OAS2: variants seen among roughly 807,000 people sequenced by gnomAD.
OAS2 encodes 2'-5'-oligoadenylate synthetase 2.
Under a neutral mutation model 71.3 loss-of-function variants are expected in OAS2, and 67 were observed. The ratio of observed to expected loss-of-function variants is 0.94; its 90% CI spans 0.77 to 1.15. OAS2 has a LOEUF of 1.15. OAS2 is among the 50% of genes most tolerant of loss of function. The pLI, the probability that OAS2 is intolerant of heterozygous loss-of-function variation, is 0.00. For missense variants in OAS2, 789 were observed against 822.5 expected (o/e 0.96, Z 0.50); for synonymous variants, 327 against 321.8 (o/e 1.02, Z -0.17).
chr12:113,004,503 T>C (rs562686021), intron 6 of OAS2, among the ~76,000 whole-genome samples: 3 of 152,308 alleles, frequency 2.0e-5, no homozygotes, highest in East Asian at 1.9e-4. Flanking sequence ...ACCTCAATTA[T>C]GGATATTCAC....
rs138299398 is a variant in OAS2 at position 113,005,918 on chromosome 12, C to CAAAAAAA, written c.1469-468_1469-462dup. 1.5e-3 allele frequency among the ~76,000 whole-genome samples: 74 copies of CAAAAAAA among 49,042 alleles called. 1 individual carries two copies. The highest frequency in any genetic ancestry group is 2.3e-3 in the Non-Finnish European group (68 of 28,966). The allele number at this position is 49,042 out of a possible 152,430, so 32.2% of individuals were successfully genotyped here. A position where few individuals can be genotyped will look rare whatever the true frequency, so the allele number is the denominator to read the frequency against. On this transcript the variant is annotated intron_variant, in intron 7 of 9. Coordinates refer to ENST00000392583, the MANE Select transcript of OAS2 (RefSeq NM_002535.3). ...AAAAAGCAAAAAACAACAACAACAA[C>CAAAAAAA]AAAAAAAAAAAAAAAAAAAAAAAAA... is the stretch of plus-strand genomic sequence containing the variant.
At chr12:112,999,103 G>T (rs1344056722) in intron 5 of OAS2, among the ~76,000 whole-genome samples, 1 of 152,226 alleles carries the variant, frequency 6.6e-6, no homozygotes, top group Non-Finnish European at 1.5e-5. Flanking sequence ...CTCAGAGAAG[G>T]GGGTGGCAGT....
Position 113,009,289 on chromosome 12 carries a change from G to C in OAS2, c.*34G>C. On this transcript the variant is annotated 3_prime_UTR_variant, in exon 10 of 10. Transcript: ENST00000392583. The stretch of plus-strand genomic sequence containing the variant: ...TTGTCTGGAAATAGCCCTGTAACAG[G>C]CTTGAATCAAAGAACTTCTCCTACT... 1 of 1,601,974 alleles carries C rather than the reference G, an allele frequency of 6.2e-7. No individual in the cohort carries two copies. Among genetic ancestry groups the C allele is most frequent in the Non-Finnish European group, 8.5e-7 (1 of 1,174,554 alleles).
At chr12:112,992,768 G>C (rs577113557) in intron 2 of OAS2, among the ~76,000 whole-genome samples, 1 of 152,258 alleles carries the variant, frequency 6.6e-6, no homozygotes, top group Non-Finnish European at 1.5e-5. Context: ...TGTACAGTCA[G>C]ACTAGAAACT....
intron 1 of OAS2, among the ~76,000 whole-genome samples, chr12:112,983,752 T>C (rs1249048645): frequency 2.0e-5 from 3 of 152,224 alleles, no homozygotes; most frequent in Admixed American, 2.0e-4. Context: ...TTCACGTATT[T>C]GTACAATTTC....
At position 112,978,749 on chromosome 12, in the gene OAS2, A is replaced by G; in HGVS notation, c.141A>G (p.Glu47=). The G allele has an allele frequency of 6.2e-7, 1 of 1,613,882 alleles. No homozygotes were observed. Among genetic ancestry groups the G allele is most frequent in the East Asian group, 2.2e-5 (1 of 44,868 alleles). ...MVNTICDVLQ[E]PEQFPLVQGV... is the part of the protein sequence containing the mutation. ...ACACCATCTGTGACGTCCTGCAGGA[A>G]CCCGAACAGTTCCCCCTGGTGCAGG... The change falls in exon 1 of 10, where the codon GAA becomes GAG. Residue 47 remains glutamate (E), a synonymous_variant. Transcript: ENST00000392583. This position sits in a 1 kb window ranked among gnomAD's most constrained non-coding sequence, Gnocchi z 4.2.
At chr12:112,986,710 C>G (rs1233446515) in intron 1 of OAS2, among the ~76,000 whole-genome samples, 3 of 151,856 alleles carry the variant, frequency 2.0e-5, no homozygotes, top group African/African-American at 7.3e-5. Flanking sequence ...CCCATTCCCC[C>G]AGATGCGCAC....
chr12:113,006,614 T>G lies in OAS2; in HGVS notation c.1656+14T>G. ...TGGTACAAAGAGGTAAGGACAGTCT[T>G]TGTTCTGACCATGGGGTTATTATTT... On this transcript the variant is annotated intron_variant, in intron 8 of 9. Transcript: ENST00000392583. 1 of 1,543,126 alleles carries G rather than the reference T, an allele frequency of 6.5e-7. No homozygotes were observed. Among genetic ancestry groups the G allele is most frequent in the Non-Finnish European group, 8.8e-7 (1 of 1,132,356 alleles).
At position 113,010,816 on chromosome 12, in the gene OAS2, A is replaced by G. The variant is rs1171453949; in HGVS notation, c.*1561A>G. 3 of 173,348 alleles carry G rather than the reference A, an allele frequency of 1.7e-5. No homozygotes were observed. In the East Asian group the frequency reaches 5.0e-4, roughly 29 times the overall value. 10.7% of individuals were successfully genotyped at this position (173,348 alleles called of 1,614,324 possible). The stretch of plus-strand genomic sequence containing the variant: ...CTGTGTCTTCAAAGCAAAGCTCTTT[A>G]CTTTCCCCTTGGTTCTCATAACTCT... On this transcript the variant is annotated 3_prime_UTR_variant, in exon 10 of 10. Coordinates refer to ENST00000392583, the MANE Select transcript of OAS2 (RefSeq NM_002535.3).
intron 2 of OAS2, among the ~76,000 whole-genome samples, chr12:112,993,511 G>A (rs2044209413): frequency 6.6e-6 from 1 of 152,182 alleles, no homozygotes; most frequent in Admixed American, 6.6e-5. Context: ...CCAGAACCAT[G>A]CCTAGGGAGT....
intron 8 of OAS2, among the ~76,000 whole-genome samples, chr12:113,006,956 A>G (rs1204429544): frequency 1.3e-5 from 2 of 152,192 alleles, no homozygotes; most frequent in East Asian, 3.8e-4. Flanking sequence ...CTCTCTCAGA[A>G]GGCAGGTTGA....
In OAS2 at chr12:113,004,991, G is replaced by T. The variant is rs181098272; in HGVS notation, c.1237G>T (p.Val413Leu). The T allele has an allele frequency of 1.9e-5, 30 of 1,614,092 alleles. 1 individual carries two copies. The Admixed American group carries it at 5.0e-4, about 27-fold the overall frequency. ...LKTGSDADLVVFHNSLKSYTS... is the reference protein window; with the variant it reads ...LKTGSDADLVLFHNSLKSYTS... ...GACTGGCTCTGATGCCGATCTCGTC[G>T]TGTTCCATAACTCACTTAAAAGCTA... The change falls in exon 7 of 10, where the codon GTG (valine) becomes TTG (leucine). Residue 413 changes from valine to leucine, a missense_variant. By Grantham distance (32) the Val-to-Leu change is conservative (BLOSUM62 1). Transcript: ENST00000392583.
At chr12:113,008,670 G>T (rs1003515566) in intron 9 of OAS2, among the ~76,000 whole-genome samples, 3 of 152,186 alleles carry the variant, frequency 2.0e-5, no homozygotes, top group Non-Finnish European at 4.4e-5. Flanking sequence ...CTGTCACCCA[G>T]GCTGGAGTGC....
At chr12:112,981,295 A>C (rs181601078) in intron 1 of OAS2, among the ~76,000 whole-genome samples, 2 of 152,072 alleles carry the variant, frequency 1.3e-5, no homozygotes, top group Admixed American at 6.5e-5. Flanking sequence ...ACTTGCATAG[A>C]CCAATATCAT....
chr12:112,982,868 T>C (rs2044096829), intron 1 of OAS2, among the ~76,000 whole-genome samples: 2 of 152,208 alleles, frequency 1.3e-5, no homozygotes, highest in Admixed American at 1.3e-4. Flanking sequence ...TATTGGTCTG[T>C]TCAGGTTTTC....
At chr12:113,008,091 G>GTGT in intron 9 of OAS2, 148 bp downstream of exon 9, 1 of 682,222 alleles carries the variant, frequency 1.5e-6, no homozygotes, top group Non-Finnish European at 2.6e-6. Flanking sequence ...CAGTCTCCAG[G>GTGT]GATAAAACCT....
rs185559974 is a variant in OAS2 at position 112,992,037 on chromosome 12, G to A, written c.449-3259G>A. ...AATATATGTATATATTTATGGATGA[G>A]GTAGATAGATGGATAGTCTCAAGCA... On this transcript the variant is annotated intron_variant, in intron 2 of 9. Transcript: ENST00000392583. 6.0e-3 allele frequency among the ~76,000 whole-genome samples: 887 copies of A among 148,400 alleles called. 9 individuals are homozygous for A. Among genetic ancestry groups the A allele is most frequent in the Non-Finnish European group, 9.7e-3 (658 of 67,768 alleles).
At chr12:113,000,913 A>T (rs1293750) in intron 5 of OAS2, among the ~76,000 whole-genome samples, 35,038 of 152,218 alleles carry the variant, frequency 0.23, 4,390 homozygotes, top group East Asian at 0.5. Context: ...TTTCAAGCTG[A>T]GTGCCCTTCC....
chr12:113,001,427 CACATATATATACACATATAT>C (rs2044287198), intron 5 of OAS2, among the ~76,000 whole-genome samples: 1 of 145,682 alleles, frequency 6.9e-6, no homozygotes, highest in African/African-American at 2.6e-5. Flanking sequence ...CACATATATG[CACATATATATACACATATAT>C]ACATATATAC....
Sources: gnomAD v4.1 joint callset for allele counts (sites outside exome capture counted in the v4.1 genomes callset) on GRCh38, gnomAD v4.1.1 for gene constraint, Gnocchi (gnomAD v3.1) non-coding constraint, MANE v1.5 for transcripts, NCBI Gene and HGNC (gene_info 2026-07-23, HGNC 2026-07-21) for gene names.